Variants in UPF2 observed in about 807,000 individuals in gnomAD.
UPF2 encodes the protein UPF2 regulator of nonsense mediated mRNA decay.
A neutral mutation model predicts 141.4 loss-of-function variants in UPF2; 17 were observed. The observed-to-expected ratio is 0.12, with a 90% CI of 0.08 to 0.18. The LOEUF is 0.18. Ranked by LOEUF, UPF2 falls within the 10% of genes least tolerant of loss-of-function variation. The pLI, the probability that UPF2 is intolerant of heterozygous loss-of-function variation, is 1.00. For missense variants in UPF2, 1,152 were observed against 1,515.9 expected (o/e 0.76, Z 3.99); for synonymous variants, 540 against 498.0 (o/e 1.08, Z -1.12).
At chr10:12,010,576 A>G (rs1433086776) in intron 4 of UPF2, among the ~76,000 whole-genome samples, 1 of 152,228 alleles carries the variant, frequency 6.6e-6, no homozygotes, top group East Asian at 1.9e-4. Flanking sequence ...AAAGGAAAGG[A>G]CATCAATGAA....
At chr10:11,932,560 TA>T (rs888259184) in intron 19 of UPF2, among the ~76,000 whole-genome samples, 16 of 151,842 alleles carry the variant, frequency 1.1e-4, no homozygotes, top group Admixed American at 7.2e-4. Flanking sequence ...ATTATGTACT[TA>T]AAAAAAACAT....
chr10:12,035,335 G>C lies in UPF2; in HGVS notation c.89C>G (p.Thr30Arg). 6.2e-7 allele frequency: 1 copy of C among 1,612,226 alleles called. No individual in the cohort carries two copies. The highest frequency in any genetic ancestry group is 8.5e-7 in the Non-Finnish European group (1 of 1,179,684). ...TTTTGGCCTCTCCTTGCTGCTCACTGTCCGCCTTTCACTGCAGTCTTTTTC... is the reference window on the plus strand; with the variant it reads ...TTTTGGCCTCTCCTTGCTGCTCACTCTCCGCCTTTCACTGCAGTCTTTTTC... ...NKEKDCSERR[T>R]VSSKERPKDD... The change falls in exon 2 of 22, where the codon ACA becomes AGA. Residue 30 changes from threonine (T) to arginine (R), a missense_variant. Coordinates refer to ENST00000357604, the MANE Select transcript of UPF2 (RefSeq NM_015542.4).
chr10:11,928,820 T>A (rs1030212371), intron 21 of UPF2: 1 of 195,170 alleles, frequency 5.1e-6, no homozygotes, highest in African/African-American at 2.4e-5. Context: ...TAACTTTAAG[T>A]GGAACTGGTA....
Position 11,931,145 on chromosome 10 carries a change from G to A in UPF2, c.3688+496C>T, listed in dbSNP as rs959735986. ...GGAGGTAAATACAGTCGTGTGCCGC[G>A]TGACCATGTTCCAGACAATGACAGA... On this transcript the variant is annotated intron_variant, in intron 20 of 21. Coordinates refer to ENST00000357604, the MANE Select transcript of UPF2 (RefSeq NM_015542.4). This position sits in a 1 kb window ranked among gnomAD's most constrained non-coding sequence, Gnocchi z 5.9. 1.3e-5 allele frequency among the ~76,000 whole-genome samples: 2 copies of A among 152,148 alleles called. No individual in the cohort carries two copies. Among genetic ancestry groups the A allele is most frequent in the East Asian group, 1.9e-4 (1 of 5,198 alleles).
intron 10 of UPF2, among the ~76,000 whole-genome samples, chr10:11,964,474 A>T (rs930943461): frequency 2.6e-5 from 4 of 152,174 alleles, no homozygotes; most frequent in African/African-American, 9.7e-5. Context: ...TCTCACTACA[A>T]AAGTATTATT....
chr10:11,995,367 A>G lies in UPF2; in HGVS notation c.1844+2305T>C, dbSNP rs1369425673. Among the ~76,000 whole-genome samples, 45 of 152,212 alleles carry G rather than the reference A, an allele frequency of 3.0e-4. 1 individual carries two copies. Among genetic ancestry groups the G allele is most frequent in the Admixed American group, 2.9e-3 (45 of 15,276 alleles). On this transcript the variant is annotated intron_variant, in intron 8 of 21. Coordinates refer to ENST00000357604, the MANE Select transcript of UPF2 (RefSeq NM_015542.4). ...CCAGCTAGCTAAGAAAGGGCATTAC[A>G]TATCTTGTTACCTAATTTTATCACC...
At chr10:11,983,874 A>C (rs1833641334) in intron 8 of UPF2, among the ~76,000 whole-genome samples, 1 of 152,198 alleles carries the variant, frequency 6.6e-6, no homozygotes, top group African/African-American at 2.4e-5. Context: ...AAAGGCTAAA[A>C]ATACTCAGTT....
In UPF2 at chr10:11,920,139, T is replaced by G. The variant is rs1035031584; in HGVS notation, c.*1159A>C. The G allele has an allele frequency of 6.6e-6, 1 of 152,092 alleles. No homozygotes were observed. The highest frequency in any genetic ancestry group is 1.5e-5 in the Non-Finnish European group (1 of 68,008). The allele number at this position is 152,092 out of a possible 1,614,324, so 9.4% of individuals were successfully genotyped here. A position where few individuals can be genotyped will look rare whatever the true frequency, so the allele number is the denominator to read the frequency against. The stretch of plus-strand genomic sequence containing the variant: ...TTACAAGTTTTGTTTTTTATTTAAA[T>G]CTACATGCAGAAACTGAAACATGGT... On this transcript the variant is annotated 3_prime_UTR_variant, in exon 22 of 22. Transcript: ENST00000357604.
Position 12,035,395 on chromosome 10 carries a change from C to G in UPF2, c.29G>C (p.Ser10Thr). 1 of 1,588,996 alleles carries G rather than the reference C, an allele frequency of 6.3e-7. No homozygotes were observed. Among genetic ancestry groups the G allele is most frequent in the Non-Finnish European group, 8.5e-7 (1 of 1,172,336 alleles). The change falls in exon 2 of 22, where the codon AGT (serine) becomes ACT (threonine). Residue 10 changes from serine (S) to threonine (T), a missense_variant. Transcript: ENST00000357604. Reference sequence around the variant, plus strand: ...TGGTAAAGAGTCTTTTTCTTCCATACTTGCTGGCTTTTTACGCTCAGCTGG... The same window carrying G: ...TGGTAAAGAGTCTTTTTCTTCCATAGTTGCTGGCTTTTTACGCTCAGCTGG... MPAERKKPA[S>T]MEEKDSLPNN...
At chr10:11,972,129 A>C (rs1468808715) in intron 9 of UPF2, among the ~76,000 whole-genome samples, 1 of 152,046 alleles carries the variant, frequency 6.6e-6, no homozygotes, top group African/African-American at 2.4e-5. Flanking sequence ...ATGAACTGTA[A>C]GGATTTCCTA....
chr10:11,948,050 C>T (rs1443233507), intron 16 of UPF2, among the ~76,000 whole-genome samples: 1 of 151,702 alleles, frequency 6.6e-6, no homozygotes, highest in Non-Finnish European at 1.5e-5. Context: ...GGGTTCAAGA[C>T]CAGCCTGGCC....
At chr10:11,952,283 G>T in intron 14 of UPF2, 34 bp from the exon 15 acceptor site, 4 of 1,526,136 alleles carry the variant, frequency 2.6e-6, no homozygotes, top group Non-Finnish European at 3.5e-6. Flanking sequence ...TTAGCTATAA[G>T]AAATTAGTAA....
intron 9 of UPF2, among the ~76,000 whole-genome samples, chr10:11,968,924 A>G (rs1330384257): frequency 1.3e-5 from 2 of 151,884 alleles, no homozygotes; most frequent in Admixed American, 6.6e-5. Context: ...GCAGTGGCAC[A>G]ATCTCGGCTC....
chr10:11,994,443 A>T (rs1292549239), intron 8 of UPF2, among the ~76,000 whole-genome samples: 1 of 152,224 alleles, frequency 6.6e-6, no homozygotes. Context: ...GGGAGAATAC[A>T]CAAGCATCAA....
chr10:12,018,807 A>G (rs560908165), intron 3 of UPF2, among the ~76,000 whole-genome samples: 32 of 152,304 alleles, frequency 2.1e-4, no homozygotes, highest in African/African-American at 6.5e-4. Context: ...TTCTAATGAA[A>G]TTAAACATGT....
intron 10 of UPF2, among the ~76,000 whole-genome samples, chr10:11,964,363 A>G (rs561855458): frequency 3.3e-5 from 5 of 152,196 alleles, no homozygotes; most frequent in Non-Finnish European, 7.3e-5. Context: ...ACCCCTTTCT[A>G]TATTTATTGT....
In UPF2 at chr10:12,017,991, G is replaced by A. The variant is rs112670738; in HGVS notation, c.1146-3807C>T. On this transcript the variant is annotated intron_variant, in intron 3 of 21. Transcript: ENST00000357604. The stretch of plus-strand genomic sequence containing the variant: ...GCAGGACAGAATGCCAATTAATACA[G>A]TATGACTTCTGTTATATATAAAACT... 1.7e-3 allele frequency among the ~76,000 whole-genome samples: 256 copies of A among 152,236 alleles called. 1 individual carries two copies. The highest frequency in any genetic ancestry group is 5.7e-3 in the African/African-American group (237 of 41,534).
At chr10:11,952,399 A>G in intron 14 of UPF2, 150 bp from the exon 15 acceptor site, 1 of 646,032 alleles carries the variant, frequency 1.5e-6, no homozygotes, top group Non-Finnish European at 2.5e-6. Flanking sequence ...GGTCAACAGC[A>G]ATGATCCTAT....
rs897774446 is a variant in UPF2, at chr10:11,920,170, A to G, written c.*1128T>C. 2 of 152,226 alleles carry G rather than the reference A, an allele frequency of 1.3e-5. No individual in the cohort carries two copies. The highest frequency in any genetic ancestry group is 4.1e-4 in the South Asian group (2 of 4,834). 9.4% of individuals were successfully genotyped at this position (152,226 alleles called of 1,614,324 possible). Reference sequence around the variant, plus strand: ...TGCAGAAACTGAAACATGGTAAAAGAAAAAATGCAAAATAGCTAGAAAAAA... The same window carrying G: ...TGCAGAAACTGAAACATGGTAAAAGGAAAAATGCAAAATAGCTAGAAAAAA... On this transcript the variant is annotated 3_prime_UTR_variant, in exon 22 of 22. Coordinates refer to ENST00000357604, the MANE Select transcript of UPF2 (RefSeq NM_015542.4).
Sources: allele counts gnomAD v4.1 joint callset (sites outside exome capture counted in the v4.1 genomes callset), GRCh38; gene constraint gnomAD v4.1.1; non-coding constraint Gnocchi (gnomAD v3.1); transcripts MANE v1.5; gene names NCBI Gene and HGNC (gene_info 2026-07-23, HGNC 2026-07-21).